KCNN2: variants seen among roughly 807,000 people sequenced by gnomAD.
KCNN2 encodes potassium calcium-activated channel subfamily N member 2, also known as small conductance calcium-activated potassium channel protein 2.
KCNN2 carries 24 observed loss-of-function variants against 55.5 expected under a neutral mutation model. That is an observed-to-expected ratio of 0.43 (90% CI 0.31 to 0.61). The LOEUF (loss-of-function observed/expected upper bound fraction) is 0.61, where lower values mean the gene tolerates loss of function less well. Ranked by LOEUF, KCNN2 falls within the 20% of genes least tolerant of loss-of-function variation. The pLI, the probability that KCNN2 is intolerant of heterozygous loss-of-function variation, is 0.08. For synonymous variants in KCNN2, 431 were observed against 336.1 expected (o/e 1.28, Z -3.09); for missense variants, 754 against 853.6 (o/e 0.88, Z 1.45).
At chr5:114,250,793 C>A (rs1485238846) in intron 2 of KCNN2, among the ~76,000 whole-genome samples, 1 of 152,162 alleles carries the variant, frequency 6.6e-6, no homozygotes, top group Non-Finnish European at 1.5e-5. Context: ...TCTCTACTGC[C>A]TGATTCTGAG....
chr5:114,471,418 ATG>A (rs1192634010), intron 4 of KCNN2, among the ~76,000 whole-genome samples: 2 of 152,072 alleles, frequency 1.3e-5, no homozygotes, highest in African/African-American at 4.8e-5. Context: ...ACGGTCTATA[ATG>A]TTCAGTACAG....
intron 2 of KCNN2, among the ~76,000 whole-genome samples, chr5:114,346,254 A>G (rs1345665519): frequency 6.6e-6 from 1 of 152,210 alleles, no homozygotes; most frequent in Non-Finnish European, 1.5e-5. Flanking sequence ...CCAAGCCATG[A>G]GAAATTTGCC....
intron 1 of KCNN2, among the ~76,000 whole-genome samples, chr5:114,090,069 A>G (rs1004556463): frequency 6.6e-6 from 1 of 152,212 alleles, no homozygotes; most frequent in African/African-American, 2.4e-5. Context: ...TAAATAAGAA[A>G]ATATGAATTT....
At chr5:114,254,954 A>G (rs1214257657) in intron 2 of KCNN2, among the ~76,000 whole-genome samples, 5 of 152,208 alleles carry the variant, frequency 3.3e-5, no homozygotes, top group Admixed American at 6.5e-5. Context: ...TGATTAATTT[A>G]TAAAGTTGGA....
chr5:114,270,267 A>G (rs1411501292), intron 2 of KCNN2, among the ~76,000 whole-genome samples: 1 of 152,230 alleles, frequency 6.6e-6, no homozygotes, highest in African/African-American at 2.4e-5. Flanking sequence ...AGTTTGCTTT[A>G]GATAAATAAT....
chr5:114,221,873 A>G (rs1330561363), intron 2 of KCNN2, among the ~76,000 whole-genome samples: 1 of 152,356 alleles, frequency 6.6e-6, no homozygotes, highest in African/African-American at 2.4e-5. Context: ...GAGATTAAGT[A>G]TCAGAAAATA....
intron 2 of KCNN2, among the ~76,000 whole-genome samples, chr5:114,285,583 G>A (rs533506157): frequency 4.6e-5 from 7 of 152,066 alleles, no homozygotes; most frequent in African/African-American, 9.7e-5. Context: ...TAGCAAATTC[G>A]CAAGGTGGTA....
At chr5:114,214,048 A>G (rs960517361) in intron 1 of KCNN2, among the ~76,000 whole-genome samples, 2 of 152,158 alleles carry the variant, frequency 1.3e-5, no homozygotes, top group South Asian at 4.1e-4. Context: ...TTCTAGCCCC[A>G]ATTTATAGAT....
intron 2 of KCNN2, among the ~76,000 whole-genome samples, chr5:114,280,120 A>G (rs1039786685): frequency 2.6e-5 from 4 of 152,114 alleles, no homozygotes; most frequent in Non-Finnish European, 5.9e-5. Context: ...GTCTGTTCAT[A>G]TCCTTTGCCC....
intron 2 of KCNN2, among the ~76,000 whole-genome samples, chr5:114,380,741 G>C (rs1758093133): frequency 6.6e-6 from 1 of 152,156 alleles, no homozygotes. Context: ...TTTTTGTTAG[G>C]ATTGCATGAC....
intron 2 of KCNN2, among the ~76,000 whole-genome samples, chr5:114,290,371 G>A (rs1023779674): frequency 2.0e-4 from 30 of 151,974 alleles, no homozygotes; most frequent in Admixed American, 1.7e-3. Flanking sequence ...TTAGTATATA[G>A]AATTTGTTGG....
chr5:114,470,806 C>G (rs1205326864), intron 4 of KCNN2, among the ~76,000 whole-genome samples: 1 of 152,110 alleles, frequency 6.6e-6, no homozygotes, highest in Non-Finnish European at 1.5e-5. Flanking sequence ...CACTGCATAT[C>G]CTCCTTTATC....
At chr5:114,218,750 G>A (rs1271593696) in intron 1 of KCNN2, among the ~76,000 whole-genome samples, 2 of 152,220 alleles carry the variant, frequency 1.3e-5, no homozygotes, top group East Asian at 1.9e-4. Flanking sequence ...TGATGTTTCA[G>A]TGTGGGCTCA....
At chr5:114,159,826 A>G (rs541090260) in intron 1 of KCNN2, among the ~76,000 whole-genome samples, 1 of 152,244 alleles carries the variant, frequency 6.6e-6, no homozygotes, top group Non-Finnish European at 1.5e-5. Context: ...GGTAGTTTGT[A>G]TTTCTGTGAG....
At chr5:114,400,550 G>C (rs73782229) in intron 2 of KCNN2, among the ~76,000 whole-genome samples, 3,343 of 152,252 alleles carry the variant, frequency 0.022, 100 homozygotes, top group African/African-American at 0.073. Flanking sequence ...ACTTGGCTTA[G>C]ATTGAAATCC....
intron 2 of KCNN2, among the ~76,000 whole-genome samples, chr5:114,312,675 G>T (rs985101424): frequency 6.6e-6 from 1 of 151,670 alleles, no homozygotes; most frequent in Non-Finnish European, 1.5e-5. Context: ...TCCTCTAGGG[G>T]TTAAGCCCTA....
At chr5:114,104,039 T>C (rs1017011581) in intron 1 of KCNN2, among the ~76,000 whole-genome samples, 2 of 152,188 alleles carry the variant, frequency 1.3e-5, no homozygotes. Flanking sequence ...AATTTGGCTG[T>C]GAATCCGTTT....
chr5:114,412,710 C>G (rs1159508921), intron 3 of KCNN2, among the ~76,000 whole-genome samples: 1 of 152,220 alleles, frequency 6.6e-6, no homozygotes, highest in Non-Finnish European at 1.5e-5. Context: ...GCCTAGCCTA[C>G]TCCTTTCCCA....
chr5:114,191,050 T>C (rs968088274), intron 1 of KCNN2, among the ~76,000 whole-genome samples: 13 of 152,174 alleles, frequency 8.5e-5, no homozygotes, highest in African/African-American at 2.9e-4. Context: ...AATACATCCA[T>C]GGTGATGATC....
Sources: allele counts gnomAD v4.1 joint callset (sites outside exome capture counted in the v4.1 genomes callset), GRCh38; gene constraint gnomAD v4.1.1; transcripts MANE v1.5; gene names NCBI Gene and HGNC (gene_info 2026-07-23, HGNC 2026-07-21).